Variants in ZNF407 observed in about 807,000 individuals in gnomAD.
ZNF407 encodes zinc finger protein 407.
A neutral mutation model predicts 131.2 loss-of-function variants in ZNF407; 17 were observed. The observed-to-expected ratio is 0.13, with a 90% confidence interval of 0.09 to 0.19. ZNF407 has a LOEUF of 0.19. Ranked by LOEUF, ZNF407 falls within the 10% of genes least tolerant of loss-of-function variation. The pLI, the probability that ZNF407 is intolerant of heterozygous loss-of-function variation, is 1.00. For synonymous variants in ZNF407, 1,156 were observed against 1,062.0 expected (o/e 1.09, Z -1.72); for missense variants, 2,681 against 2,830.6 (o/e 0.95, Z 1.20).
At chr18:75,023,962 T>TA (rs1185844704) in intron 8 of ZNF407, among the ~76,000 whole-genome samples, 2 of 152,202 alleles carry the variant, frequency 1.3e-5, no homozygotes, top group Non-Finnish European at 2.9e-5. Flanking sequence ...CAGAACGCAC[T>TA]GTGCTAAGTT....
At chr18:75,004,596 GATTC>G (rs1183928792) in intron 8 of ZNF407, among the ~76,000 whole-genome samples, 8 of 152,146 alleles carry the variant, frequency 5.3e-5, no homozygotes, top group Admixed American at 1.3e-4. Flanking sequence ...GGTCCTGTCC[GATTC>G]ATTCAATCAG....
rs147229491 is a variant in ZNF407, at chr18:74,632,135, T to C, written c.1116T>C (p.Ala372=). 909 of 1,613,964 alleles carry C rather than the reference T, an allele frequency of 5.6e-4. 5 individuals carry two copies. In the African/African-American group the frequency reaches 9.5e-3, roughly 17 times the overall value. The change falls in exon 2 of 9, where the codon GCT becomes GCC. Residue 372 remains alanine, a synonymous_variant. Transcript: ENST00000299687. The part of the protein sequence containing the change: ...VEEHVTSLGL[A]QNPENQSRKL... ...AACATGTTACTTCCCTTGGTCTAGCTCAGAATCCTGAAAACCAGAGTAGAA... is the reference window on the plus strand; with the variant it reads ...AACATGTTACTTCCCTTGGTCTAGCCCAGAATCCTGAAAACCAGAGTAGAA...
At chr18:74,610,795 C>T (rs1417050589) in intron 1 of ZNF407, among the ~76,000 whole-genome samples, 2 of 152,078 alleles carry the variant, frequency 1.3e-5, no homozygotes, top group African/African-American at 4.8e-5. Flanking sequence ...CTCAGGTGAT[C>T]CGCCCACCTC....
intron 4 of ZNF407, among the ~76,000 whole-genome samples, chr18:74,838,767 T>G (rs984858258): frequency 2.0e-5 from 3 of 152,200 alleles, no homozygotes; most frequent in African/African-American, 7.2e-5. Context: ...AATGAGTATA[T>G]GTTGGGCTAT....
intron 1 of ZNF407, among the ~76,000 whole-genome samples, chr18:74,620,775 C>G (rs1983479199): frequency 6.6e-6 from 1 of 151,740 alleles, no homozygotes; most frequent in South Asian, 2.1e-4. Flanking sequence ...AGCTTGAAGG[C>G]CTCCTGCCAG....
chr18:75,060,507 C>CTTTTT (rs564194650), intron 8 of ZNF407, among the ~76,000 whole-genome samples: 5 of 124,458 alleles, frequency 4.0e-5, no homozygotes, highest in African/African-American at 9.4e-5. Flanking sequence ...TTCTTTTTTT[C>CTTTTT]TTTTTTTTTT....
At chr18:74,851,999 C>T (rs1377705171) in intron 4 of ZNF407, among the ~76,000 whole-genome samples, 5 of 152,112 alleles carry the variant, frequency 3.3e-5, no homozygotes, top group Non-Finnish European at 5.9e-5. Flanking sequence ...GGGTAGCAGC[C>T]GCATGGCAGT....
intron 3 of ZNF407, among the ~76,000 whole-genome samples, chr18:74,719,819 G>A (rs1253025663): frequency 6.6e-6 from 1 of 152,160 alleles, no homozygotes; most frequent in Non-Finnish European, 1.5e-5. Flanking sequence ...CATCTATGTT[G>A]CTGAGAATAG....
At chr18:74,779,725 A>C (rs1021959805) in intron 3 of ZNF407, among the ~76,000 whole-genome samples, 2 of 152,092 alleles carry the variant, frequency 1.3e-5, no homozygotes, top group African/African-American at 4.8e-5. Flanking sequence ...TTTTTGCTTC[A>C]ATTCTTAAAA....
chr18:74,989,668 C>T (rs2122134002), intron 8 of ZNF407, among the ~76,000 whole-genome samples: 1 of 151,978 alleles, frequency 6.6e-6, no homozygotes, highest in Admixed American at 6.6e-5. Context: ...ATGGCGAGAC[C>T]CCATCTCTAC....
At chr18:74,889,897 A>G in intron 6 of ZNF407, 21 bp from the exon 7 acceptor site, 1 of 1,593,638 alleles carries the variant, frequency 6.3e-7, no homozygotes, top group African/African-American at 1.3e-5. Flanking sequence ...TTCATCTGTA[A>G]CATTTCTTGA....
chr18:74,625,495 A>C (rs1345316135), intron 1 of ZNF407, among the ~76,000 whole-genome samples: 1 of 152,174 alleles, frequency 6.6e-6, no homozygotes, highest in Non-Finnish European at 1.5e-5. Flanking sequence ...TTTGCAGATG[A>C]AGACGTGGTA....
intron 3 of ZNF407, among the ~76,000 whole-genome samples, chr18:74,677,940 C>G (rs1369589414): frequency 6.6e-6 from 1 of 152,164 alleles, no homozygotes; most frequent in Non-Finnish European, 1.5e-5. Context: ...TATGCCTCAG[C>G]CTCCCAAGTA....
chr18:74,915,142 C>T (rs1971729993), intron 7 of ZNF407, among the ~76,000 whole-genome samples: 1 of 152,078 alleles, frequency 6.6e-6, no homozygotes, highest in South Asian at 2.1e-4. Context: ...ATAGGAGGTC[C>T]CAGGTGGCAG....
At chr18:75,005,718 C>T (rs1268166279) in intron 8 of ZNF407, among the ~76,000 whole-genome samples, 5 of 131,950 alleles carry the variant, frequency 3.8e-5, no homozygotes, top group South Asian at 3.1e-4. Context: ...ACCCACCCCC[C>T]GCCGCCAACT....
rs1341758915 is a variant in ZNF407, at chr18:74,664,712, CTCTT to C, written c.4802+23594_4802+23597del. Among the ~76,000 whole-genome samples, 9 of 152,090 alleles carry C rather than the reference CTCTT, an allele frequency of 5.9e-5. 1 individual carries two copies. Among genetic ancestry groups the C allele is most frequent in the African/African-American group, 1.7e-4 (7 of 41,420 alleles). ...TCCAGCTGTCTCTCTGTCTCTCTCT[CTCTT>C]TCTCTCTCTTTTTTTTTACTTTCTG... On this transcript the variant is annotated intron_variant, in intron 3 of 8. Transcript: ENST00000299687.
rs752010032 is a variant in ZNF407, at chr18:74,781,514, TC to T, written c.4877+13del. 18 of 1,494,660 alleles carry T rather than the reference TC, an allele frequency of 1.2e-5. No individual in the cohort carries two copies. The highest frequency in any genetic ancestry group is 3.5e-4 in the Middle Eastern group (2 of 5,680). The allele number at this position is 1,494,660 out of a possible 1,614,324, so 92.6% of individuals were successfully genotyped here. On this transcript the variant is annotated intron_variant, in intron 4 of 8. Transcript: ENST00000299687. The stretch of plus-strand genomic sequence containing the variant: ...ACCCCAAAAGAAAGGTAATTTTCAT[TC>T]TTTTTTTTTCATTTAAAAATACAAT...
chr18:74,675,517 A>G (rs985390273), intron 3 of ZNF407, among the ~76,000 whole-genome samples: 8 of 152,242 alleles, frequency 5.3e-5, no homozygotes, highest in African/African-American at 1.9e-4. Context: ...GGCATCTAAA[A>G]TAAGTAGTAG....
chr18:74,645,295 A>G (rs928971950), intron 3 of ZNF407, among the ~76,000 whole-genome samples: 23 of 152,074 alleles, frequency 1.5e-4, no homozygotes, highest in African/African-American at 5.6e-4. Context: ...AGTTGTAGAA[A>G]ACTAATAATT....
Sources: gnomAD v4.1 joint callset for allele counts (sites outside exome capture counted in the v4.1 genomes callset) on GRCh38, gnomAD v4.1.1 for gene constraint, MANE v1.5 for transcripts, NCBI Gene and HGNC (gene_info 2026-07-23, HGNC 2026-07-21) for gene names.